The following TUT4 variants were observed in gnomAD, a reference collection of about 807,000 sequenced individuals.
The protein encoded by TUT4 is terminal uridylyltransferase 4.
Under a neutral mutation model 192.2 loss-of-function variants are expected in TUT4, and 36 were observed. The observed-to-expected ratio is 0.19, with a 90% CI of 0.14 to 0.25. The LOEUF is 0.25. Ranked by LOEUF, TUT4 falls within the 10% of genes least tolerant of loss-of-function variation. The probability of loss-of-function intolerance (pLI) is 1.00; values close to 1 mark genes in which losing one functional copy is unlikely to be tolerated. For missense variants in TUT4, 1,493 were observed against 1,957.2 expected (o/e 0.76, Z 4.47); for synonymous variants, 618 against 666.0 (o/e 0.93, Z 1.11).
Position 52,525,694 on chromosome 1 carries a change from A to G in TUT4, c.587T>C (p.Ile196Thr). 2 of 1,614,158 alleles carry G rather than the reference A, an allele frequency of 1.2e-6. No individual in the cohort carries two copies. Among genetic ancestry groups the G allele is most frequent in the Non-Finnish European group, 1.7e-6 (2 of 1,180,020 alleles). Residue 196 changes from isoleucine (I) to threonine (T), a missense_variant, in exon 2 of 30, where the codon ATT (isoleucine) becomes ACT (threonine). Physicochemically the swap from Ile to Thr is moderately conservative, Grantham distance 89 (BLOSUM62 -1). This residue lies in a region of TUT4 where 260 missense variants were observed against 247.8 expected (regional missense o/e 1.05). Transcript: ENST00000257177. ...SSFTSVDKVN[I>T]EAVGGEKCAL... is the part of the protein sequence containing the mutation. ...ACATTTTTCTCCCCCTACAGCTTCAATATTCACTTTGTCCACAGAAGTAAA... is the reference window on the plus strand; with the variant it reads ...ACATTTTTCTCCCCCTACAGCTTCAGTATTCACTTTGTCCACAGAAGTAAA...
intron 29 of TUT4, chr1:52,424,637 T>A (rs1352684538): frequency 1.3e-5 from 2 of 152,370 alleles, no homozygotes; most frequent in Non-Finnish European, 2.9e-5. Flanking sequence ...ATGCTCCAAG[T>A]TTCTAGGAAT....
chr1:52,522,840 C>CGCTTGAA (rs1680644839), intron 2 of TUT4, among the ~76,000 whole-genome samples: 1 of 151,908 alleles, frequency 6.6e-6, no homozygotes. Context: ...GTAGGAGAAT[C>CGCTTGAA]GCTTGAACTC....
At chr1:52,539,395 A>G (rs1228654543) in intron 1 of TUT4, among the ~76,000 whole-genome samples, 2 of 152,196 alleles carry the variant, frequency 1.3e-5, no homozygotes, top group Non-Finnish European at 2.9e-5. Flanking sequence ...GATTGAAATG[A>G]CAATGACAGA....
intron 9 of TUT4, among the ~76,000 whole-genome samples, chr1:52,484,067 T>C (rs531732270): frequency 6.7e-6 from 1 of 149,624 alleles, no homozygotes; most frequent in Admixed American, 6.6e-5. Context: ...AACAAAAATA[T>C]GCCAGGCACA....
At chr1:52,526,742 T>G (rs1428543023) in intron 1 of TUT4, among the ~76,000 whole-genome samples, 1 of 152,166 alleles carries the variant, frequency 6.6e-6, no homozygotes, top group Non-Finnish European at 1.5e-5. Flanking sequence ...ATTCCAATCT[T>G]GGCTGGGTGT....
intron 2 of TUT4, among the ~76,000 whole-genome samples, chr1:52,522,526 AAAGT>A (rs1313517583): frequency 2.0e-5 from 3 of 152,258 alleles, no homozygotes; most frequent in African/African-American, 4.8e-5. Context: ...TGAAGGTTAC[AAAGT>A]AAGTAAAGAA....
intron 28 of TUT4, among the ~76,000 whole-genome samples, chr1:52,428,921 A>G (rs1416493786): frequency 1.3e-5 from 2 of 152,082 alleles, no homozygotes; most frequent in Non-Finnish European, 2.9e-5. Context: ...ATTTGATGCA[A>G]TGTCTGAGAT....
chr1:52,507,647 A>ATC (rs1355842572), intron 4 of TUT4, among the ~76,000 whole-genome samples: 1 of 152,152 alleles, frequency 6.6e-6, no homozygotes, highest in Non-Finnish European at 1.5e-5. Context: ...CAAAATGTGA[A>ATC]ATGCTCCAAA....
chr1:52,452,247 A>C (rs1659645558), intron 20 of TUT4, among the ~76,000 whole-genome samples: 1 of 152,210 alleles, frequency 6.6e-6, no homozygotes, highest in Non-Finnish European at 1.5e-5. Flanking sequence ...TGTACAAAAG[A>C]GAGTTATACA....
chr1:52,515,400 C>T (rs755721270), intron 3 of TUT4: 11 of 161,658 alleles, frequency 6.8e-5, no homozygotes, highest in Non-Finnish European at 1.4e-4. Context: ...CAGCAAGTTT[C>T]GTCTATAAAG....
Position 52,461,700 on chromosome 1 carries a change from C to A in TUT4, c.3127+12G>T. ...TTTATTTTGTTTTACAGATAAGATTCAAAATTCATACCTGGATGTCTCTTA... is the reference window on the plus strand; with the variant it reads ...TTTATTTTGTTTTACAGATAAGATTAAAAATTCATACCTGGATGTCTCTTA... On this transcript the variant is annotated intron_variant, in intron 17 of 29. Coordinates refer to ENST00000257177, the MANE Select transcript of TUT4 (RefSeq NM_001009881.3). The A allele has an allele frequency of 1.3e-6, 2 of 1,526,640 alleles. No homozygotes were observed. Among genetic ancestry groups the A allele is most frequent in the South Asian group, 2.4e-5 (2 of 81,960 alleles). 94.6% of individuals were successfully genotyped at this position (1,526,640 alleles called of 1,614,324 possible).
At position 52,526,063 on chromosome 1, in the gene TUT4, C is replaced by T; in HGVS notation, c.218G>A (p.Cys73Tyr). The change falls in exon 2 of 30, where the codon TGT becomes TAT. Residue 73 changes from cysteine to tyrosine, a missense_variant. By Grantham distance (194) the Cys-to-Tyr change is radical. Coordinates refer to ENST00000257177, the MANE Select transcript of TUT4 (RefSeq NM_001009881.3). Reference protein sequence around the residue: ...ICIEKTEVKSCKVNAANLPGP... With the variant: ...ICIEKTEVKSYKVNAANLPGP... ...TGGAAGGTTGGCAGCATTTACTTTACATGATTTAACTTCTGTTTTTTCTAT... is the reference window on the plus strand; with the variant it reads ...TGGAAGGTTGGCAGCATTTACTTTATATGATTTAACTTCTGTTTTTTCTAT... The T allele has an allele frequency of 6.2e-7, 1 of 1,611,128 alleles. No individual in the cohort carries two copies. Among genetic ancestry groups the T allele is most frequent in the Non-Finnish European group, 8.5e-7 (1 of 1,179,154 alleles).
intron 24 of TUT4, among the ~76,000 whole-genome samples, chr1:52,439,517 TG>T (rs1312626782): frequency 6.6e-6 from 1 of 152,224 alleles, no homozygotes; most frequent in Non-Finnish European, 1.5e-5. Flanking sequence ...TCCATCCTTC[TG>T]GAAGTCAAGA....
intron 16 of TUT4, chr1:52,462,254 C>CG (rs1662804990): frequency 6.8e-6 from 1 of 146,610 alleles, no homozygotes; most frequent in African/African-American, 2.6e-5. Flanking sequence ...GGTGCTATCT[C>CG]GGCTCACTGC....
intron 1 of TUT4, among the ~76,000 whole-genome samples, chr1:52,535,603 G>C (rs1237686715): frequency 6.6e-6 from 1 of 152,092 alleles, no homozygotes; most frequent in Non-Finnish European, 1.5e-5. Context: ...AGAAAGAGAA[G>C]GGTGTAGAAA....
chr1:52,431,504 C>A, intron 27 of TUT4, 44 bp from the exon 28 acceptor site: 1 of 1,311,850 alleles, frequency 7.6e-7, no homozygotes. Flanking sequence ...TTATAAACAT[C>A]TTAATTTTAT....
intron 5 of TUT4, among the ~76,000 whole-genome samples, chr1:52,496,643 C>A (rs1672514008): frequency 6.6e-6 from 1 of 152,014 alleles, no homozygotes; most frequent in Non-Finnish European, 1.5e-5. Context: ...AATTTTTCCC[C>A]ACCATCAGGC....
chr1:52,444,216 G>A (rs766172370), intron 24 of TUT4, among the ~76,000 whole-genome samples: 2 of 152,162 alleles, frequency 1.3e-5, no homozygotes, highest in Non-Finnish European at 2.9e-5. Context: ...CCTGGTGACA[G>A]AGCGAGACTC....
chr1:52,469,726 T>G (rs1433974316), intron 14 of TUT4, among the ~76,000 whole-genome samples: 1 of 151,794 alleles, frequency 6.6e-6, no homozygotes, highest in Non-Finnish European at 1.5e-5. Flanking sequence ...CTGTCTCTAC[T>G]AAAAATACAA....
Sources: gnomAD v4.1 joint callset for allele counts (sites outside exome capture counted in the v4.1 genomes callset) on GRCh38, gnomAD v4.1.1 for gene constraint, gnomAD v4.1.1 regional missense constraint, MANE v1.5 for transcripts, NCBI Gene and HGNC (gene_info 2026-07-23, HGNC 2026-07-21) for gene names.